ATG10: variants seen among roughly 807,000 people sequenced by gnomAD.
The protein encoded by ATG10 is autophagy related 10, also known as ubiquitin-like-conjugating enzyme ATG10.
In ATG10, 30 loss-of-function variants were observed where a neutral mutation model predicts 32.1. The ratio of observed to expected loss-of-function variants is 0.94; its 90% CI spans 0.70 to 1.27. ATG10 has a LOEUF of 1.27. Ranked by LOEUF, ATG10 falls within the 50% of genes most tolerant of loss-of-function variation. The pLI is 0.00. For synonymous variants in ATG10, 87 were observed against 91.5 expected (o/e 0.95, Z 0.28); for missense variants, 233 against 262.3 (o/e 0.89, Z 0.77).
intron 3 of ATG10, among the ~76,000 whole-genome samples, chr5:82,140,679 A>G (rs1767079756): frequency 9.2e-5 from 4 of 43,590 alleles, no homozygotes; most frequent in South Asian, 1.4e-3. Flanking sequence ...CCTACTGGGA[A>G]GTGAGGAGCC....
At chr5:82,246,441 C>A (rs1347051329) in intron 5 of ATG10, among the ~76,000 whole-genome samples, 3 of 150,184 alleles carry the variant, frequency 2.0e-5, no homozygotes, top group Non-Finnish European at 2.9e-5. Context: ...ATAATCCCAG[C>A]ACTTTGGGAG....
chr5:82,081,047 G>A (rs1764460598), intron 3 of ATG10, among the ~76,000 whole-genome samples: 1 of 152,152 alleles, frequency 6.6e-6, no homozygotes, highest in African/African-American at 2.4e-5. Context: ...TTGAGCAGTG[G>A]TTTGTAGTTC....
intron 3 of ATG10, among the ~76,000 whole-genome samples, chr5:82,155,473 A>G (rs966279706): frequency 4.6e-5 from 7 of 152,146 alleles, no homozygotes; most frequent in Admixed American, 4.6e-4. Context: ...ATAAAATGTC[A>G]CTGGAGTACA....
At chr5:82,141,916 A>G (rs1561322927) in intron 3 of ATG10, among the ~76,000 whole-genome samples, 1 of 152,172 alleles carries the variant, frequency 6.6e-6, no homozygotes, top group Non-Finnish European at 1.5e-5. Flanking sequence ...ACATGTATAT[A>G]GCACTGGTTC....
chr5:82,094,836 G>T (rs540963753), intron 3 of ATG10, among the ~76,000 whole-genome samples: 24 of 152,082 alleles, frequency 1.6e-4, no homozygotes, highest in African/African-American at 5.8e-4. Context: ...TATTGAAGTG[G>T]ATGTTTATTA....
chr5:82,059,042 A>G (rs552051469), intron 3 of ATG10, among the ~76,000 whole-genome samples: 4 of 152,170 alleles, frequency 2.6e-5, no homozygotes, highest in African/African-American at 9.6e-5. Flanking sequence ...TTAATACTTG[A>G]TTGGAGACCT....
At chr5:82,117,972 A>G (rs1034436959) in intron 3 of ATG10, among the ~76,000 whole-genome samples, 4 of 152,060 alleles carry the variant, frequency 2.6e-5, no homozygotes, top group African/African-American at 9.7e-5. Flanking sequence ...GGGCCATAAG[A>G]GGAGATGTTG....
intron 2 of ATG10, among the ~76,000 whole-genome samples, chr5:82,007,812 C>CAT (rs139853992): frequency 0.082 from 12,414 of 151,334 alleles, 752 homozygotes; most frequent in African/African-American, 0.18. Context: ...ACTTTTGTGT[C>CAT]ATATATATAT....
At chr5:82,219,555 C>A (rs574957209) in intron 5 of ATG10, among the ~76,000 whole-genome samples, 1 of 130,564 alleles carries the variant, frequency 7.7e-6, no homozygotes, top group South Asian at 2.2e-4. Context: ...TCACATGCCA[C>A]AAGACTGTGC....
At chr5:82,009,554 A>G (rs944057926) in intron 2 of ATG10, 3 of 1,508,826 alleles carry the variant, frequency 2.0e-6, no homozygotes, top group African/African-American at 2.7e-5. Context: ...CCTGAGCTAC[A>G]GAAGGAATGG....
At chr5:82,164,573 A>C in intron 4 of ATG10, 36 bp downstream of exon 4, 1 of 1,544,002 alleles carries the variant, frequency 6.5e-7, no homozygotes, top group East Asian at 2.3e-5. Context: ...TAAATTTATA[A>C]CATTTACATA....
At position 82,027,837 on chromosome 5, in the gene ATG10, C is replaced by T. The variant is rs552248172; in HGVS notation, c.109-30658C>T. ...CAGTAGCTCTTTTTTTTTCCTCAGCCTAAATGCCTTACTGGCAAGGAAAAG... is the reference window on the plus strand; with the variant it reads ...CAGTAGCTCTTTTTTTTTCCTCAGCTTAAATGCCTTACTGGCAAGGAAAAG... On this transcript the variant is annotated intron_variant, in intron 2 of 7. Transcript: ENST00000282185. Among the ~76,000 whole-genome samples, 10 of 152,176 alleles carry T rather than the reference C, an allele frequency of 6.6e-5. No homozygotes were observed. The South Asian group carries it at 2.1e-3, about 32-fold the overall frequency.
At chr5:81,984,133 C>T (rs2149662272) in intron 1 of ATG10, among the ~76,000 whole-genome samples, 1 of 152,390 alleles carries the variant, frequency 6.6e-6, no homozygotes, top group South Asian at 2.1e-4. Context: ...CCAGCCTGGG[C>T]ACCATTGAGC....
At chr5:82,044,020 T>C (rs1763163110) in intron 2 of ATG10, among the ~76,000 whole-genome samples, 1 of 152,080 alleles carries the variant, frequency 6.6e-6, no homozygotes, top group African/African-American at 2.4e-5. Flanking sequence ...CCCACTCTCC[T>C]GGTACCAATT....
chr5:82,058,360 T>C, intron 2 of ATG10, 135 bp from the exon 3 acceptor site: 1 of 627,002 alleles, frequency 1.6e-6, no homozygotes, highest in East Asian at 2.7e-5. Flanking sequence ...GACTAGTCTC[T>C]TTATCCATAT....
intron 5 of ATG10, among the ~76,000 whole-genome samples, chr5:82,229,256 A>C (rs1746253117): frequency 6.6e-6 from 1 of 152,206 alleles, no homozygotes; most frequent in South Asian, 2.1e-4. Context: ...CAGCTGTTAC[A>C]GTACTGGAGG....
intron 4 of ATG10, 94 bp downstream of exon 4, chr5:82,164,631 T>TA: frequency 7.9e-7 from 1 of 1,272,272 alleles, no homozygotes; most frequent in African/African-American, 1.5e-5. Flanking sequence ...GGAAAAAAAA[T>TA]AGAGTTAAAA....
At chr5:82,082,019 C>T (rs1764499293) in intron 3 of ATG10, among the ~76,000 whole-genome samples, 1 of 152,144 alleles carries the variant, frequency 6.6e-6, no homozygotes, top group African/African-American at 2.4e-5. Context: ...TTAAAACCAT[C>T]AGGTCTCATG....
intron 5 of ATG10, among the ~76,000 whole-genome samples, chr5:82,186,921 A>T (rs1297667480): frequency 6.6e-6 from 1 of 152,090 alleles, no homozygotes; most frequent in Admixed American, 6.5e-5. Context: ...GTTTACTGTC[A>T]TTCATACTCC....
Sources: gnomAD v4.1 joint callset for allele counts (sites outside exome capture counted in the v4.1 genomes callset) on GRCh38, gnomAD v4.1.1 for gene constraint, MANE v1.5 for transcripts, NCBI Gene and HGNC (gene_info 2026-07-23, HGNC 2026-07-21) for gene names.